NAPEPLD: variants seen among roughly 807,000 people sequenced by gnomAD.
NAPEPLD encodes the protein N-acyl-phosphatidylethanolamine-hydrolyzing phospholipase D.
NAPEPLD carries 23 observed loss-of-function variants against 38.1 expected under a neutral mutation model. The observed-to-expected ratio is 0.60, with a 90% CI of 0.43 to 0.86. The LOEUF (loss-of-function observed/expected upper bound fraction) is 0.86. NAPEPLD is among the 40% of genes least tolerant of loss of function. The pLI is 0.00. For synonymous variants in NAPEPLD, 147 were observed against 162.0 expected (o/e 0.91, Z 0.71); for missense variants, 411 against 476.8 (o/e 0.86, Z 1.28).
chr7:103,135,698 GAACA>G (rs1809887551), intron 1 of NAPEPLD, among the ~76,000 whole-genome samples: 1 of 151,360 alleles, frequency 6.6e-6, no homozygotes, highest in African/African-American at 2.4e-5. Flanking sequence ...ATCAAAAATA[GAACA>G]TACACGCATA....
intron 1 of NAPEPLD, among the ~76,000 whole-genome samples, chr7:103,139,706 G>T (rs116348562): frequency 9.8e-5 from 15 of 152,340 alleles, no homozygotes; most frequent in African/African-American, 3.6e-4. Context: ...TCTGCCCGCA[G>T]TGTCATGCGT....
chr7:103,120,237 G>C lies in NAPEPLD; in HGVS notation c.295-14C>G. The stretch of plus-strand genomic sequence containing the variant: ...TTTGTCTAGTTCCTTTGTGTATAAA[G>C]AAAGCAAGACAAAAGAGTAGTTAGA... On this transcript the variant is annotated splice_polypyrimidine_tract_variant and intron_variant, in intron 2 of 4. Coordinates refer to ENST00000465647, the MANE Select transcript of NAPEPLD (RefSeq NM_001122838.3). 6.3e-7 allele frequency: 1 copy of C among 1,597,160 alleles called. No individual in the cohort carries two copies. Among genetic ancestry groups the C allele is most frequent in the Non-Finnish European group, 8.5e-7 (1 of 1,171,440 alleles).
chr7:103,149,587 A>T, upstream of NAPEPLD: 1 of 924,242 alleles, frequency 1.1e-6, no homozygotes, highest in Non-Finnish European at 1.4e-6. Flanking sequence ...CCTTACCAAG[A>T]TGGCCGCCCC....
intron 1 of NAPEPLD, among the ~76,000 whole-genome samples, chr7:103,136,482 G>A (rs1471896256): frequency 6.6e-6 from 1 of 151,472 alleles, no homozygotes; most frequent in Non-Finnish European, 1.5e-5. Context: ...AGCTACTTGG[G>A]AGGCTGAGGC....
chr7:103,120,091 T>C lies in NAPEPLD; in HGVS notation c.427A>G (p.Ile143Val), dbSNP rs749164347. The C allele has an allele frequency of 3.7e-6, 6 of 1,614,070 alleles. No homozygotes were observed. The highest frequency in any genetic ancestry group is 2.7e-5 in the African/African-American group (2 of 74,924). Residue 143 changes from isoleucine (I) to valine (V), a missense_variant, in exon 3 of 5, where the codon ATA becomes GTA. Ile to Val is a conservative substitution (Grantham distance 29). Coordinates refer to ENST00000465647, the MANE Select transcript of NAPEPLD (RefSeq NM_001122838.3). The stretch of plus-strand genomic sequence containing the variant: ...CTAAAGATGGGATCCGTGAGAAATA[T>C]GAGCTCATCCATTTCCACCATTACC... ...ATVMVEMDEL[I>V]FLTDPIFSSR...
intron 2 of NAPEPLD, 53 bp downstream of exon 2, chr7:103,128,430 G>C (rs770662803): frequency 1.9e-6 from 3 of 1,582,574 alleles, no homozygotes; most frequent in Non-Finnish European, 2.6e-6. Context: ...CAAATAACTA[G>C]AGTGTCATAT....
At chr7:103,106,508 TTTTC>T (rs1803385325) in intron 4 of NAPEPLD, among the ~76,000 whole-genome samples, 4 of 151,958 alleles carry the variant, frequency 2.6e-5, no homozygotes, top group Admixed American at 6.5e-5. Flanking sequence ...AGGATTGAAA[TTTTC>T]GCTGCCAGCA....
At chr7:103,104,052 G>T (rs1802814822) in intron 4 of NAPEPLD, among the ~76,000 whole-genome samples, 1 of 152,106 alleles carries the variant, frequency 6.6e-6, no homozygotes, top group Admixed American at 6.6e-5. Context: ...TCTACAGAAT[G>T]AAAGAGGATC....
At chr7:103,125,115 AT>A (rs2129529677) in intron 2 of NAPEPLD, among the ~76,000 whole-genome samples, 1 of 152,348 alleles carries the variant, frequency 6.6e-6, no homozygotes, top group Admixed American at 6.5e-5. Context: ...CTGAAGGTAC[AT>A]TTTCACCATC....
chr7:103,122,868 T>A (rs1807000082), intron 2 of NAPEPLD, among the ~76,000 whole-genome samples: 1 of 152,162 alleles, frequency 6.6e-6, no homozygotes, highest in African/African-American at 2.4e-5. Context: ...AAGAGCCACC[T>A]CAAAAACAGC....
chr7:103,141,307 T>C (rs1376610642), intron 1 of NAPEPLD: 1 of 531,616 alleles, frequency 1.9e-6, no homozygotes, highest in South Asian at 1.7e-5. Context: ...GGCTGATCTA[T>C]GTAATCACGG....
chr7:103,149,253 G>C (rs1415382171), upstream of NAPEPLD: 1 of 998,570 alleles, frequency 1.0e-6, no homozygotes, highest in Non-Finnish European at 1.2e-6. Context: ...GAGCGGCGGG[G>C]TGCGAGCGCG....
At chr7:103,140,387 CT>C (rs377763676) in intron 1 of NAPEPLD, among the ~76,000 whole-genome samples, 6,728 of 92,372 alleles carry the variant, frequency 0.073, 365 homozygotes, top group African/African-American at 0.28. Context: ...TCACAGAACT[CT>C]TTTTTTTTTT....
rs962251762 is a variant in NAPEPLD, at chr7:103,100,549, G to T, written c.*2880C>A. On this transcript the variant is annotated 3_prime_UTR_variant, in exon 5 of 5. Coordinates refer to ENST00000465647, the MANE Select transcript of NAPEPLD (RefSeq NM_001122838.3). The stretch of plus-strand genomic sequence containing the variant: ...TTATAATTTGGGATTTCTCCTAATT[G>T]ATGACCCACCCTATTGGGCAGTGAG... 8 of 152,192 alleles carry T rather than the reference G, an allele frequency of 5.3e-5. No homozygotes were observed. Among genetic ancestry groups the T allele is most frequent in the African/African-American group, 1.9e-4 (8 of 41,434 alleles). The allele number at this position is 152,192 out of a possible 1,614,324, so 9.4% of individuals were successfully genotyped here.
chr7:103,109,504 G>T (rs1307456021), intron 4 of NAPEPLD, among the ~76,000 whole-genome samples: 2 of 152,146 alleles, frequency 1.3e-5, no homozygotes, highest in African/African-American at 4.8e-5. Context: ...ATGACTATGG[G>T]TAAATAACAA....
intron 1 of NAPEPLD, among the ~76,000 whole-genome samples, chr7:103,146,566 C>G (rs1585912515): frequency 6.6e-6 from 1 of 152,142 alleles, no homozygotes; most frequent in South Asian, 2.1e-4. Flanking sequence ...ATGGATTGTT[C>G]CAGGTAGCAG....
intron 1 of NAPEPLD, among the ~76,000 whole-genome samples, chr7:103,140,278 T>C (rs1449104629): frequency 6.6e-6 from 1 of 151,754 alleles, no homozygotes; most frequent in Non-Finnish European, 1.5e-5. Context: ...ACTAATGTGA[T>C]AAGGAAGCTG....
At chr7:103,147,189 C>T (rs1311110937) in intron 1 of NAPEPLD, among the ~76,000 whole-genome samples, 3 of 152,156 alleles carry the variant, frequency 2.0e-5, no homozygotes, top group East Asian at 1.9e-4. Flanking sequence ...GTAGTATAGG[C>T]GTTAGAATGA....
Position 103,118,904 on chromosome 7 carries a change from A to C in NAPEPLD, c.941+673T>G, listed in dbSNP as rs193301267. On this transcript the variant is annotated intron_variant, in intron 3 of 4. Transcript: ENST00000465647. Reference sequence around the variant, plus strand: ...TGGAGGATGAGTGGTGAGTAGTACAACACCACCATGACCAGATTAACTTCA... The same window carrying C: ...TGGAGGATGAGTGGTGAGTAGTACACCACCACCATGACCAGATTAACTTCA... 6.7e-4 allele frequency among the ~76,000 whole-genome samples: 102 copies of C among 152,332 alleles called. 1 individual carries two copies. In the South Asian group the frequency reaches 0.013, roughly 20 times the overall value.
Sources: allele counts gnomAD v4.1 joint callset (sites outside exome capture counted in the v4.1 genomes callset), GRCh38; gene constraint gnomAD v4.1.1; transcripts MANE v1.5; gene names NCBI Gene and HGNC (gene_info 2026-07-23, HGNC 2026-07-21).